HS3ST5: variants seen among roughly 807,000 people sequenced by gnomAD.
HS3ST5 encodes heparan sulfate glucosamine 3-O-sulfotransferase 5.
HS3ST5 carries 10 observed loss-of-function variants against 25.4 expected under a neutral mutation model. The ratio of observed to expected loss-of-function variants is 0.39; its 90% CI spans 0.24 to 0.67. The LOEUF (loss-of-function observed/expected upper bound fraction) is 0.67, where lower values mean the gene tolerates loss of function less well. HS3ST5 is among the 30% of genes least tolerant of loss of function. HS3ST5 has a pLI of 0.44. For synonymous variants in HS3ST5, 170 were observed against 162.4 expected (o/e 1.05, Z -0.36); for missense variants, 324 against 420.7 (o/e 0.77, Z 2.01).
At chr6:114,088,340 T>G (rs544789505) in intron 3 of HS3ST5, among the ~76,000 whole-genome samples, 3 of 152,098 alleles carry the variant, frequency 2.0e-5, no homozygotes, top group Non-Finnish European at 2.9e-5. Flanking sequence ...TTTTCAGAGA[T>G]TCTGTGCTTT....
rs375879923 is a variant in HS3ST5 at position 114,254,780 on chromosome 6, T to C, written c.-338-26002A>G. 2.6e-5 allele frequency among the ~76,000 whole-genome samples: 4 copies of C among 152,182 alleles called. No homozygotes were observed. The East Asian group carries it at 7.7e-4, about 29-fold the overall frequency. On this transcript the variant is annotated intron_variant, in intron 1 of 4. Transcript: ENST00000312719. ...AACCATCAGATCTCATGAGACTTAC[T>C]CACTACCACGAGAACAGTATGAGGG...
At chr6:114,315,661 A>G (rs1416721032) in intron 1 of HS3ST5, among the ~76,000 whole-genome samples, 1 of 152,292 alleles carries the variant, frequency 6.6e-6, no homozygotes, top group East Asian at 1.9e-4. Flanking sequence ...AAATATTATG[A>G]CCCCTACTAA....
intron 1 of HS3ST5, among the ~76,000 whole-genome samples, chr6:114,280,470 A>G (rs1010352223): frequency 2.6e-5 from 4 of 152,022 alleles, no homozygotes; most frequent in South Asian, 4.1e-4. Flanking sequence ...AGAGGGACAC[A>G]TTGCTGGGAA....
chr6:114,057,081 T>C lies in HS3ST5; in HGVS notation c.*176A>G, dbSNP rs1402578483. 3.2e-5 allele frequency: 17 copies of C among 524,584 alleles called. No homozygotes were observed. The highest frequency in any genetic ancestry group is 7.0e-5 in the Admixed American group (2 of 28,690). 32.5% of individuals were successfully genotyped at this position (524,584 alleles called of 1,614,324 possible). A position where few individuals can be genotyped will look rare whatever the true frequency, so the allele number is the denominator to read the frequency against. ...TATGCAGACAGCAATTTTTTTTTTT[T>C]CGTAAATTTTCAGTAGAAAAAGAAC... On this transcript the variant is annotated 3_prime_UTR_variant, in exon 5 of 5. Transcript: ENST00000312719.
At chr6:114,214,127 A>G (rs1251759573) in intron 2 of HS3ST5, among the ~76,000 whole-genome samples, 1 of 152,222 alleles carries the variant, frequency 6.6e-6, no homozygotes, top group African/African-American at 2.4e-5. Flanking sequence ...TTTCTCAAAC[A>G]TCCAAAGATA....
At chr6:114,187,003 G>A (rs1780248067) in intron 2 of HS3ST5, among the ~76,000 whole-genome samples, 1 of 152,162 alleles carries the variant, frequency 6.6e-6, no homozygotes, top group Non-Finnish European at 1.5e-5. Flanking sequence ...TTCACTAAGT[G>A]TTTTAAGACC....
intron 1 of HS3ST5, among the ~76,000 whole-genome samples, chr6:114,317,645 C>T (rs1775793657): frequency 6.6e-6 from 1 of 152,030 alleles, no homozygotes; most frequent in Non-Finnish European, 1.5e-5. Flanking sequence ...AGGTTAGGCA[C>T]CTACCTAGCT....
intron 2 of HS3ST5, among the ~76,000 whole-genome samples, chr6:114,183,532 T>A (rs988704463): frequency 4.6e-5 from 7 of 152,238 alleles, no homozygotes; most frequent in African/African-American, 1.7e-4. Context: ...TCATTTTATA[T>A]ACATATATAA....
At chr6:114,134,369 C>G (rs1316343516) in intron 3 of HS3ST5, among the ~76,000 whole-genome samples, 1 of 152,152 alleles carries the variant, frequency 6.6e-6, no homozygotes, top group East Asian at 1.9e-4. Flanking sequence ...AAGGTCTGAC[C>G]CAAGGTTCTA....
At chr6:114,334,189 C>T (rs1163371712) in intron 1 of HS3ST5, among the ~76,000 whole-genome samples, 1 of 152,228 alleles carries the variant, frequency 6.6e-6, no homozygotes, top group Non-Finnish European at 1.5e-5. Context: ...AGCAAGACAA[C>T]AGTCCTTGAG....
intron 1 of HS3ST5, chr6:114,251,605 G>A (rs1772662574): frequency 6.6e-6 from 1 of 152,158 alleles, no homozygotes; most frequent in Admixed American, 6.5e-5. Context: ...AAGCCAGTAG[G>A]CATATCTAAT....
intron 4 of HS3ST5, among the ~76,000 whole-genome samples, chr6:114,060,689 GAC>G (rs1773059126): frequency 6.6e-6 from 1 of 152,134 alleles, no homozygotes; most frequent in Non-Finnish European, 1.5e-5. Flanking sequence ...GGCTGATATA[GAC>G]AGTCTCTGCT....
chr6:114,080,909 A>G (rs976893301), intron 3 of HS3ST5, among the ~76,000 whole-genome samples: 6 of 152,196 alleles, frequency 3.9e-5, no homozygotes, highest in African/African-American at 1.4e-4. Context: ...AAACTTGCAC[A>G]TGTACCCCCT....
chr6:114,179,464 A>G (rs1016591103), intron 2 of HS3ST5, among the ~76,000 whole-genome samples: 5 of 152,276 alleles, frequency 3.3e-5, no homozygotes, highest in African/African-American at 1.2e-4. Context: ...CCCAAGTTAC[A>G]ATGAGGGAGT....
chr6:114,265,302 C>T (rs182274016), intron 1 of HS3ST5, among the ~76,000 whole-genome samples: 1 of 152,148 alleles, frequency 6.6e-6, no homozygotes, highest in Non-Finnish European at 1.5e-5. Flanking sequence ...AGGTCTAAAA[C>T]ACGTGTGTGG....
At chr6:114,076,251 C>T (rs1434493525) in intron 3 of HS3ST5, among the ~76,000 whole-genome samples, 2 of 152,162 alleles carry the variant, frequency 1.3e-5, no homozygotes, top group Admixed American at 1.3e-4. Flanking sequence ...CACTTAACCC[C>T]CTGATCTTCT....
chr6:114,216,003 T>G (rs879364798), intron 2 of HS3ST5, among the ~76,000 whole-genome samples: 7 of 152,178 alleles, frequency 4.6e-5, no homozygotes, highest in Non-Finnish European at 7.3e-5. Flanking sequence ...TCACAAAGAT[T>G]CAGAAATACC....
At chr6:114,152,891 T>G (rs930612727) in intron 3 of HS3ST5, among the ~76,000 whole-genome samples, 2 of 152,218 alleles carry the variant, frequency 1.3e-5, no homozygotes. Context: ...TTATCTTGAA[T>G]GATTGGCTCC....
chr6:114,336,263 T>C (rs1776607404), intron 1 of HS3ST5, among the ~76,000 whole-genome samples: 1 of 152,226 alleles, frequency 6.6e-6, no homozygotes, highest in Non-Finnish European at 1.5e-5. Flanking sequence ...ACATAGATTA[T>C]CATATGGATA....
Sources: allele counts gnomAD v4.1 joint callset (sites outside exome capture counted in the v4.1 genomes callset), GRCh38; gene constraint gnomAD v4.1.1; transcripts MANE v1.5; gene names NCBI Gene and HGNC (gene_info 2026-07-23, HGNC 2026-07-21).